Variants in PAQR8 observed in about 807,000 individuals in gnomAD.
PAQR8 encodes the protein membrane progestin receptor beta.
In PAQR8, 17 loss-of-function variants were observed where a neutral mutation model predicts 25.2. That is an observed-to-expected ratio of 0.67 (90% CI 0.46 to 1.01). The LOEUF (loss-of-function observed/expected upper bound fraction) is 1.01. Among genes scored for constraint, PAQR8 ranks in the 50% least tolerant of loss-of-function variants. The probability of loss-of-function intolerance (pLI) is 0.00; values close to 1 mark genes in which losing one functional copy is unlikely to be tolerated. For missense variants in PAQR8, 392 were observed against 448.4 expected (o/e 0.87, Z 1.14); for synonymous variants, 204 against 190.6 (o/e 1.07, Z -0.58).
At chr6:52,374,902 G>A (rs1763464692) in intron 1 of PAQR8, among the ~76,000 whole-genome samples, 1 of 150,564 alleles carries the variant, frequency 6.6e-6, no homozygotes, top group Non-Finnish European at 1.5e-5. Context: ...ACATGCCAAG[G>A]AGGACCTCAT....
chr6:52,366,182 ATATAT>A (rs1272366864), intron 1 of PAQR8, among the ~76,000 whole-genome samples: 1 of 152,022 alleles, frequency 6.6e-6, no homozygotes, highest in African/African-American at 2.4e-5. Context: ...ATATATGTAC[ATATAT>A]TAGAAAGATG....
chr6:52,371,959 A>G (rs1035147395), intron 1 of PAQR8, among the ~76,000 whole-genome samples: 3 of 152,174 alleles, frequency 2.0e-5, no homozygotes, highest in Admixed American at 2.0e-4. Context: ...TGGAGTGCAT[A>G]TCTAGCTTGG....
At chr6:52,368,859 G>A (rs534496676) in intron 1 of PAQR8, among the ~76,000 whole-genome samples, 7 of 152,120 alleles carry the variant, frequency 4.6e-5, no homozygotes, top group Admixed American at 1.3e-4. Context: ...TGTCAAGGGC[G>A]GGACCAGGTG....
In PAQR8 at chr6:52,407,065, G is replaced by A. The variant is rs1213683450; in HGVS notation, c.*2787G>A. On this transcript the variant is annotated 3_prime_UTR_variant, in exon 2 of 2. Transcript: ENST00000442253. ...AGTAAGAAACAGACCTAGTTTAAAA[G>A]GAATAATCAACAATTTTATAAAGGA... The A allele has an allele frequency of 6.0e-6, 1 of 167,002 alleles. No homozygotes were observed. Among genetic ancestry groups the A allele is most frequent in the Non-Finnish European group, 1.5e-5 (1 of 68,140 alleles). The allele number at this position is 167,002 out of a possible 1,614,324, so 10.3% of individuals were successfully genotyped here.
intron 1 of PAQR8, among the ~76,000 whole-genome samples, chr6:52,386,594 T>C (rs900557385): frequency 6.6e-6 from 1 of 152,178 alleles, no homozygotes; most frequent in Admixed American, 6.5e-5. Flanking sequence ...CCACATGTTT[T>C]TACTTATAAG....
intron 1 of PAQR8, among the ~76,000 whole-genome samples, chr6:52,378,793 A>G (rs1763516107): frequency 6.6e-6 from 1 of 150,518 alleles, no homozygotes; most frequent in African/African-American, 2.5e-5. Context: ...TCTGTCTAAA[A>G]AAAAAGGGGG....
chr6:52,380,101 T>C (rs1763541488), intron 1 of PAQR8, among the ~76,000 whole-genome samples: 1 of 152,102 alleles, frequency 6.6e-6, no homozygotes, highest in Admixed American at 6.6e-5. Context: ...ACATGTTAAG[T>C]CACAAGGTGA....
chr6:52,369,655 CTG>C (rs1364740706), intron 1 of PAQR8, among the ~76,000 whole-genome samples: 2 of 152,140 alleles, frequency 1.3e-5, no homozygotes, highest in East Asian at 3.8e-4. Flanking sequence ...GGAGAAATGA[CTG>C]TTGGTGAAAA....
At chr6:52,398,197 CTTTTTTCTTTTT>C (rs1763789055) in intron 1 of PAQR8, among the ~76,000 whole-genome samples, 1 of 133,708 alleles carries the variant, frequency 7.5e-6, no homozygotes, top group Non-Finnish European at 1.5e-5. Context: ...TTTTTCTTTT[CTTTTTTCTTTTT>C]TTTTTTTTTT....
chr6:52,404,834 TAATACTAACCC>T lies in PAQR8; in HGVS notation c.*557_*567del. 5.9e-6 allele frequency: 1 copy of T among 169,934 alleles called. No homozygotes were observed. The highest frequency in any genetic ancestry group is 1.4e-5 in the Non-Finnish European group (1 of 69,892). 10.5% of individuals were successfully genotyped at this position (169,934 alleles called of 1,614,324 possible). The stretch of plus-strand genomic sequence containing the variant: ...CTGGTCCCTCCTTTCTCGACAACTA[TAATACTAACCC>T]TTTTCTCAGGATAACTGTCTACACC... On this transcript the variant is annotated 3_prime_UTR_variant, in exon 2 of 2. Transcript: ENST00000442253.
chr6:52,374,083 C>G (rs1336140053), intron 1 of PAQR8, among the ~76,000 whole-genome samples: 2 of 152,210 alleles, frequency 1.3e-5, no homozygotes, highest in African/African-American at 2.4e-5. Flanking sequence ...TACTTGCTCC[C>G]CCTTTGCCTT....
intron 1 of PAQR8, among the ~76,000 whole-genome samples, chr6:52,381,608 G>C (rs1221461427): frequency 1.3e-5 from 2 of 152,032 alleles, no homozygotes; most frequent in Non-Finnish European, 1.5e-5. Context: ...CAAAAGAAAA[G>C]AAAAAAAGCA....
chr6:52,394,769 T>C lies in PAQR8; in HGVS notation c.-52-8393T>C, dbSNP rs578019457. Among the ~76,000 whole-genome samples, 3 of 152,306 alleles carry C rather than the reference T, an allele frequency of 2.0e-5. No individual in the cohort carries two copies. In the South Asian group the frequency reaches 6.2e-4, roughly 32 times the overall value. On this transcript the variant is annotated intron_variant, in intron 1 of 1. Transcript: ENST00000442253. ...ACTTAAGACGTTTTCAACTTAACAA[T>C]GGGTTTACTGGGCTATAACCCATCA... is the stretch of plus-strand genomic sequence containing the variant.
intron 1 of PAQR8, among the ~76,000 whole-genome samples, chr6:52,393,928 T>G (rs1417557043): frequency 6.6e-6 from 1 of 152,066 alleles, no homozygotes; most frequent in Non-Finnish European, 1.5e-5. Flanking sequence ...TGGACATCAG[T>G]GGTGTGGGCA....
At chr6:52,403,123 C>T in intron 1 of PAQR8, 39 bp from the exon 2 acceptor site, 1 of 1,070,540 alleles carries the variant, frequency 9.3e-7, no homozygotes, top group Non-Finnish European at 1.3e-6. Flanking sequence ...GCATTCGTGT[C>T]TCACTGCGGC....
chr6:52,384,649 T>C (rs947377994), intron 1 of PAQR8, among the ~76,000 whole-genome samples: 5 of 151,972 alleles, frequency 3.3e-5, no homozygotes, highest in African/African-American at 4.8e-5. Context: ...AATTCTAAGT[T>C]AGAAAAAGAA....
chr6:52,403,222 C>T lies in PAQR8; in HGVS notation c.9C>T (p.Thr3=), dbSNP rs774925485. Residue 3 remains threonine (T), a synonymous_variant, in exon 2 of 2, where the codon ACC becomes ACT. Transcript: ENST00000442253. The stretch of plus-strand genomic sequence containing the variant: ...GCATGCGGGCCGCTGCCATGACGAC[C>T]GCCATCTTGGAGCGCCTGAGCACCC... MT[T]AILERLSTLS... The T allele has an allele frequency of 4.4e-6, 7 of 1,593,384 alleles. No homozygotes were observed. Among genetic ancestry groups the T allele is most frequent in the African/African-American group, 1.3e-5 (1 of 74,706 alleles).
At chr6:52,370,075 T>G (rs531165035) in intron 1 of PAQR8, among the ~76,000 whole-genome samples, 4 of 105,242 alleles carry the variant, frequency 3.8e-5, no homozygotes, top group South Asian at 2.5e-4. Flanking sequence ...ATTGCATGGG[T>G]TTTTTTTTTT....
At chr6:52,393,042 G>A (rs1763727341) in intron 1 of PAQR8, among the ~76,000 whole-genome samples, 1 of 152,122 alleles carries the variant, frequency 6.6e-6, no homozygotes, top group African/African-American at 2.4e-5. Context: ...AAAATATTGG[G>A]GTTTAGTCAT....
Sources: allele counts gnomAD v4.1 joint callset (sites outside exome capture counted in the v4.1 genomes callset), GRCh38; gene constraint gnomAD v4.1.1; transcripts MANE v1.5; gene names NCBI Gene and HGNC (gene_info 2026-07-23, HGNC 2026-07-21).